Variants in ZSCAN5A observed in about 807,000 individuals in gnomAD.
ZSCAN5A encodes zinc finger and SCAN domain containing 5A, also known as zinc finger and SCAN domain-containing protein 5A.
Under a neutral mutation model 23.7 loss-of-function variants are expected in ZSCAN5A, and 12 were observed. That is an observed-to-expected ratio of 0.51 (90% confidence interval 0.32 to 0.82). ZSCAN5A has a LOEUF of 0.82. Among genes scored for constraint, ZSCAN5A ranks in the 40% least tolerant of loss-of-function variants. ZSCAN5A has a pLI of 0.03. For missense variants in ZSCAN5A, 597 were observed against 617.9 expected, an observed-to-expected ratio of 0.97 and a Z score of 0.36; for synonymous variants, 257 against 239.9, an observed-to-expected ratio of 1.07 and a Z score of -0.66.
intron 2 of ZSCAN5A, among the ~76,000 whole-genome samples, chr19:56,238,004 TACAC>T (rs371757139): frequency 1.8e-4 from 1 of 5,418 alleles, no homozygotes; most frequent in Non-Finnish European, 4.2e-4. Flanking sequence ...TACGCACACA[TACAC>T]ACACACGTCA....
chr19:56,286,957 A>G (rs572404116), intron 2 of ZSCAN5A, among the ~76,000 whole-genome samples: 25 of 152,356 alleles, frequency 1.6e-4, no homozygotes, highest in South Asian at 1.0e-3. Context: ...TTCCCGGTAA[A>G]CCAGGATTCA....
At chr19:56,239,616 T>G (rs7251362) in intron 2 of ZSCAN5A, among the ~76,000 whole-genome samples, 16,681 of 152,188 alleles carry the variant, frequency 0.11, 2,268 homozygotes, top group African/African-American at 0.32. Flanking sequence ...ACCAGTGATT[T>G]AGACTAGTTC....
intron 2 of ZSCAN5A, among the ~76,000 whole-genome samples, chr19:56,238,452 A>AC (rs1453752434): frequency 1.3e-5 from 2 of 152,082 alleles, no homozygotes; most frequent in African/African-American, 4.8e-5. Flanking sequence ...ACACAGTGAT[A>AC]CCCCCATCTT....
intron 2 of ZSCAN5A, among the ~76,000 whole-genome samples, chr19:56,226,505 C>G (rs1307214606): frequency 6.6e-6 from 1 of 152,146 alleles, no homozygotes; most frequent in Non-Finnish European, 1.5e-5. Context: ...CATGCAAATC[C>G]AAACCACAAG....
intron 2 of ZSCAN5A, chr19:56,247,015 G>T: frequency 9.3e-7 from 1 of 1,074,704 alleles, no homozygotes. Flanking sequence ...TGCAGGTGCA[G>T]TCAGTCACCC....
At chr19:56,245,377 C>G (rs778325280) in intron 2 of ZSCAN5A, 4 of 751,042 alleles carry the variant, frequency 5.3e-6, no homozygotes, top group Non-Finnish European at 2.5e-6. Context: ...GCCAGGCCAG[C>G]CAAGAGCTGC....
chr19:56,229,804 C>T (rs1044650476), intron 2 of ZSCAN5A, among the ~76,000 whole-genome samples: 2 of 151,880 alleles, frequency 1.3e-5, no homozygotes, highest in African/African-American at 4.8e-5. Flanking sequence ...AATCTTTCAC[C>T]TCCCTGGTTA....
intron 2 of ZSCAN5A, among the ~76,000 whole-genome samples, chr19:56,227,192 T>A (rs976031505): frequency 4.6e-5 from 7 of 152,216 alleles, no homozygotes; most frequent in Admixed American, 1.3e-4. Context: ...CCAAAAATGG[T>A]TAGTACATGA....
At chr19:56,366,893 C>T (rs1392807333) in intron 1 of ZSCAN5A, among the ~76,000 whole-genome samples, 2 of 152,154 alleles carry the variant, frequency 1.3e-5, no homozygotes, top group African/African-American at 2.4e-5. Context: ...GCTCATTTTA[C>T]CAAGTACATC....
At chr19:56,353,747 A>C (rs946728577) in intron 2 of ZSCAN5A, among the ~76,000 whole-genome samples, 2 of 152,128 alleles carry the variant, frequency 1.3e-5, no homozygotes, top group Admixed American at 1.3e-4. Context: ...GTGCCACTGC[A>C]CTCCAGCCTG....
chr19:56,258,027 C>G (rs544572087), intron 2 of ZSCAN5A, among the ~76,000 whole-genome samples: 46 of 124,478 alleles, frequency 3.7e-4, no homozygotes, highest in Non-Finnish European at 6.6e-4. Context: ...GCTCCTGCCT[C>G]CCACCACTGC....
intron 2 of ZSCAN5A, among the ~76,000 whole-genome samples, chr19:56,248,048 G>A (rs117911435): frequency 2.0e-5 from 3 of 152,276 alleles, no homozygotes; most frequent in East Asian, 3.9e-4. Flanking sequence ...AAAAAACGGA[G>A]CCTTCTGATT....
At chr19:56,260,160 G>C (rs1229836469) in intron 2 of ZSCAN5A, among the ~76,000 whole-genome samples, 1 of 151,292 alleles carries the variant, frequency 6.6e-6, no homozygotes, top group Non-Finnish European at 1.5e-5. Flanking sequence ...GGACATATTA[G>C]AGAATATTTT....
intron 2 of ZSCAN5A, among the ~76,000 whole-genome samples, chr19:56,246,030 G>A (rs1006433219): frequency 1.6e-4 from 24 of 152,188 alleles, no homozygotes; most frequent in South Asian, 8.3e-4. Flanking sequence ...GTCAGGGGCA[G>A]GGAGACGTTG....
chr19:56,233,383 C>G (rs142208609), intron 2 of ZSCAN5A, among the ~76,000 whole-genome samples: 2 of 152,004 alleles, frequency 1.3e-5, no homozygotes, highest in Non-Finnish European at 2.9e-5. Context: ...GCCCTCCGCT[C>G]GTTATCGTGT....
chr19:56,269,396 A>G (rs1412457024), intron 2 of ZSCAN5A, among the ~76,000 whole-genome samples: 1 of 152,226 alleles, frequency 6.6e-6, no homozygotes, highest in Non-Finnish European at 1.5e-5. Flanking sequence ...TCAATTGAGC[A>G]AGTTTATGCA....
rs369241994 is a variant in ZSCAN5A at position 56,332,554 on chromosome 19, T to A, written c.-357-16286A>T. 4.8e-4 allele frequency among the ~76,000 whole-genome samples: 73 copies of A among 152,380 alleles called. 1 individual carries two copies. The highest frequency in any genetic ancestry group is 1.6e-3 in the African/African-American group (66 of 41,586). ...TTTGAGCCGTATGGGTGTTGTCACA[T>A]GTGAGATGGATCTCTTGATAACAGC... On this transcript the variant is annotated intron_variant, in intron 2 of 6. Transcript: ENST00000587340.
chr19:56,326,742 A>T (rs1001795636), intron 2 of ZSCAN5A, among the ~76,000 whole-genome samples: 2 of 152,056 alleles, frequency 1.3e-5, no homozygotes, highest in Admixed American at 1.3e-4. Flanking sequence ...ATCCCACTAG[A>T]TCTCGAGTCT....
Position 56,222,395 on chromosome 19 carries a change from A to C in ZSCAN5A, c.740-69T>G. On this transcript the variant is annotated intron_variant, in intron 5 of 5. Coordinates refer to ENST00000683990, the MANE Select transcript of ZSCAN5A (RefSeq NM_001322064.3). Reference sequence around the variant, plus strand: ...TCAATACACCAAACTCATTGCAACCAAACACTGATGTTGGCTGACAACTTC... The same window carrying C: ...TCAATACACCAAACTCATTGCAACCCAACACTGATGTTGGCTGACAACTTC... The C allele has an allele frequency of 1.9e-6, 3 of 1,582,326 alleles. No homozygotes were observed. In the South Asian group the frequency reaches 3.5e-5, roughly 19 times the overall value.
Sources: allele counts gnomAD v4.1 joint callset (sites outside exome capture counted in the v4.1 genomes callset), GRCh38; gene constraint gnomAD v4.1.1; transcripts MANE v1.5; gene names NCBI Gene and HGNC (gene_info 2026-07-23, HGNC 2026-07-21).